The following RPS6KB1 variants were observed in gnomAD, a reference collection of about 807,000 sequenced individuals.
RPS6KB1 encodes ribosomal protein S6 kinase beta-1.
RPS6KB1 carries 12 observed loss-of-function variants against 70.2 expected under a neutral mutation model. That is an observed-to-expected ratio of 0.17 (90% CI 0.11 to 0.28). The LOEUF is 0.28. Ranked by LOEUF, RPS6KB1 falls within the 10% of genes least tolerant of loss-of-function variation. The probability of loss-of-function intolerance (pLI) is 1.00; values close to 1 mark genes in which losing one functional copy is unlikely to be tolerated. For synonymous variants in RPS6KB1, 175 were observed against 211.2 expected (o/e 0.83, Z 1.49); for missense variants, 270 against 646.6 (o/e 0.42, Z 6.32).
At chr17:59,904,290 A>G (rs1351714843) in intron 1 of RPS6KB1, among the ~76,000 whole-genome samples, 2 of 148,204 alleles carry the variant, frequency 1.3e-5, no homozygotes, top group East Asian at 4.1e-4. Context: ...CACGTTGGTC[A>G]GGCTGGTCTC....
At chr17:59,904,825 T>A (rs2042172895) in intron 1 of RPS6KB1, among the ~76,000 whole-genome samples, 1 of 151,512 alleles carries the variant, frequency 6.6e-6, no homozygotes, top group African/African-American at 2.4e-5. Flanking sequence ...GCCTCCCGAG[T>A]AGCTGGGACT....
chr17:59,893,218 C>T lies in RPS6KB1; in HGVS notation c.34C>T (p.Pro12Ser), dbSNP rs1421811183. 10 of 1,610,212 alleles carry T rather than the reference C, an allele frequency of 6.2e-6. No individual in the cohort carries two copies. Among genetic ancestry groups the T allele is most frequent in the Non-Finnish European group, 8.5e-6 (10 of 1,178,690 alleles). Residue 12 changes from proline to serine, a missense_variant, in exon 1 of 15, where the codon CCA becomes TCA. Coordinates refer to ENST00000225577, the MANE Select transcript of RPS6KB1 (RefSeq NM_003161.4). The surrounding 1 kb of genome is among the most constrained non-coding windows in gnomAD (Gnocchi z 4.1). ...ACGAAGGAGGCGGGACGGCTTTTAC[C>T]CAGCCCCGGACTTCCGAGACAGGGA... Reference protein sequence around the residue: ...RRRRRRDGFYPAPDFRDREAE... With the variant: ...RRRRRRDGFYSAPDFRDREAE...
At chr17:59,940,721 T>C (rs2044527328) in intron 12 of RPS6KB1, 115 bp from the exon 13 acceptor site, 2 of 570,388 alleles carry the variant, frequency 3.5e-6, no homozygotes, top group African/African-American at 3.8e-5. Flanking sequence ...CTAAGACTAT[T>C]CTAATACTTT....
intron 7 of RPS6KB1, among the ~76,000 whole-genome samples, chr17:59,932,550 C>CTT (rs11390348): frequency 0.14 from 18,181 of 130,156 alleles, 1,564 homozygotes; most frequent in Middle Eastern, 0.22. Context: ...CATCAGGTTA[C>CTT]TTTTTTTTTT....
At chr17:59,943,282 T>C (rs901742468) in intron 13 of RPS6KB1, among the ~76,000 whole-genome samples, 11 of 152,208 alleles carry the variant, frequency 7.2e-5, no homozygotes, top group Non-Finnish European at 1.5e-5. Context: ...GCATTTTTTT[T>C]CTCTCATGTA....
At chr17:59,929,657 A>G (rs941254617) in intron 5 of RPS6KB1, among the ~76,000 whole-genome samples, 1 of 152,154 alleles carries the variant, frequency 6.6e-6, no homozygotes, top group Non-Finnish European at 1.5e-5. Flanking sequence ...AAATTGTGCC[A>G]TGTTTTTTAC....
intron 3 of RPS6KB1, among the ~76,000 whole-genome samples, chr17:59,913,462 A>G (rs2042763874): frequency 6.6e-6 from 1 of 152,224 alleles, no homozygotes; most frequent in South Asian, 2.1e-4. Flanking sequence ...ATGCTTAAGA[A>G]CACATTGTAA....
At chr17:59,922,508 T>C (rs1211744643) in intron 4 of RPS6KB1, among the ~76,000 whole-genome samples, 1 of 151,768 alleles carries the variant, frequency 6.6e-6, no homozygotes, top group Non-Finnish European at 1.5e-5. Flanking sequence ...TTTTCTGTAT[T>C]TTTTCTATAT....
chr17:59,936,050 A>C (rs1598806134), intron 10 of RPS6KB1, among the ~76,000 whole-genome samples, 165 bp from the exon 11 acceptor site: 2 of 151,630 alleles, frequency 1.3e-5, no homozygotes, highest in African/African-American at 4.9e-5. Context: ...CAGGTGATCC[A>C]CCTGCCTCAG....
chr17:59,907,450 A>G (rs2042339625), intron 1 of RPS6KB1: 1 of 152,182 alleles, frequency 6.6e-6, no homozygotes, highest in Non-Finnish European at 1.5e-5. Flanking sequence ...ATCCATAAAC[A>G]TGGAATGCCT....
intron 1 of RPS6KB1, among the ~76,000 whole-genome samples, chr17:59,903,876 T>C (rs1303680649): frequency 6.6e-6 from 1 of 152,088 alleles, no homozygotes; most frequent in Admixed American, 6.6e-5. Context: ...TAGCTCATTT[T>C]TCAAAAATTG....
chr17:59,898,695 G>A (rs1472427867), intron 1 of RPS6KB1, among the ~76,000 whole-genome samples: 1 of 151,526 alleles, frequency 6.6e-6, no homozygotes, highest in Non-Finnish European at 1.5e-5. Context: ...GACTTCAGGC[G>A]ATACACCTGC....
chr17:59,897,327 A>G (rs2041621994), intron 1 of RPS6KB1, among the ~76,000 whole-genome samples: 1 of 152,244 alleles, frequency 6.6e-6, no homozygotes, highest in Non-Finnish European at 1.5e-5. Flanking sequence ...CAGTACTCTC[A>G]AAATATCCTG....
intron 1 of RPS6KB1, among the ~76,000 whole-genome samples, chr17:59,908,083 A>G (rs369548904): frequency 6.6e-6 from 1 of 152,148 alleles, no homozygotes; most frequent in Non-Finnish European, 1.5e-5. Context: ...AGTTTATAGC[A>G]TTATGTTACT....
At chr17:59,900,976 A>G (rs2041901248) in intron 1 of RPS6KB1, among the ~76,000 whole-genome samples, 2 of 151,608 alleles carry the variant, frequency 1.3e-5, no homozygotes, top group South Asian at 2.1e-4. Flanking sequence ...AGCCTGGCCA[A>G]CATGGTAAAA....
In RPS6KB1 at chr17:59,893,310, T is replaced by A; in HGVS notation, c.126T>A (p.Asp42Glu). The A allele has an allele frequency of 3.1e-6, 5 of 1,609,490 alleles. No individual in the cohort carries two copies. The highest frequency in any genetic ancestry group is 4.2e-6 in the Non-Finnish European group (5 of 1,178,172). Residue 42 changes from aspartate (D) to glutamate (E), a missense_variant, in exon 1 of 15, where the codon GAT (aspartate) becomes GAA (glutamate). By Grantham distance (45) the Asp-to-Glu change is conservative. Around this residue, in one of 4 missense-constraint regions of RPS6KB1, gnomAD observed 72 missense variants for 93.4 expected, o/e 0.77. Coordinates refer to ENST00000225577, the MANE Select transcript of RPS6KB1 (RefSeq NM_003161.4). The surrounding 1 kb of genome is among the most constrained non-coding windows in gnomAD (Gnocchi z 4.1). ...AGCCAGAGGACGCGGGCTCTGAGGATGAGCTGGAGGAGGGGGTGAGGCCCG... is the reference window on the plus strand; with the variant it reads ...AGCCAGAGGACGCGGGCTCTGAGGAAGAGCTGGAGGAGGGGGTGAGGCCCG... ...LDQPEDAGSE[D>E]ELEEGGQLNE... is the part of the protein sequence containing the mutation.
chr17:59,947,498 C>T lies in RPS6KB1; in HGVS notation c.*710C>T. 6.6e-7 allele frequency: 1 copy of T among 1,505,548 alleles called. No individual in the cohort carries two copies. The highest frequency in any genetic ancestry group is 8.9e-7 in the Non-Finnish European group (1 of 1,121,652). The allele number at this position is 1,505,548 out of a possible 1,614,324, so 93.3% of individuals were successfully genotyped here. ...GCTCGTTTGAGGGATTGGGGTGGACCTGGGGTTTATTTTCAGTAACCCAGC... is the reference window on the plus strand; with the variant it reads ...GCTCGTTTGAGGGATTGGGGTGGACTTGGGGTTTATTTTCAGTAACCCAGC... On this transcript the variant is annotated 3_prime_UTR_variant, in exon 15 of 15. Transcript: ENST00000225577.
At position 59,934,749 on chromosome 17, in the gene RPS6KB1, G is replaced by GAT. The variant is rs2044135684; in HGVS notation, c.870+226_870+227dup. 1 of 503,298 alleles carries GAT rather than the reference G, an allele frequency of 2.0e-6. No individual in the cohort carries two copies. Among genetic ancestry groups the GAT allele is most frequent in the South Asian group, 3.2e-5 (1 of 30,772 alleles). The allele number at this position is 503,298 out of a possible 1,614,324, so 31.2% of individuals were successfully genotyped here. A position where few individuals can be genotyped will look rare whatever the true frequency, so the allele number is the denominator to read the frequency against. ...TATGTCATGGCAGGCCTGTGAAATA[G>GAT]ATGTTGAATAGATAATGCCCTTATT... On this transcript the variant is annotated intron_variant, in intron 9 of 14. Coordinates refer to ENST00000225577, the MANE Select transcript of RPS6KB1 (RefSeq NM_003161.4). The surrounding 1 kb of genome is among the most constrained non-coding windows in gnomAD (Gnocchi z 4.8).
intron 13 of RPS6KB1, 141 bp from the exon 14 acceptor site, chr17:59,945,265 T>C: frequency 1.9e-6 from 1 of 517,704 alleles, no homozygotes; most frequent in East Asian, 3.0e-5. Flanking sequence ...GGTCTAAAAA[T>C]GAGGTTGAGG....
Sources: gnomAD v4.1 joint callset for allele counts (sites outside exome capture counted in the v4.1 genomes callset) on GRCh38, gnomAD v4.1.1 for gene constraint, gnomAD v4.1.1 regional missense constraint, Gnocchi (gnomAD v3.1) non-coding constraint, MANE v1.5 for transcripts, NCBI Gene and HGNC (gene_info 2026-07-23, HGNC 2026-07-21) for gene names.